IGF2BP3: variants seen among roughly 807,000 people sequenced by gnomAD.
The protein encoded by IGF2BP3 is insulin like growth factor 2 mRNA binding protein 3, also known as insulin-like growth factor 2 mRNA-binding protein 3.
In IGF2BP3, 9 loss-of-function variants were observed where a neutral mutation model predicts 73.8. The observed-to-expected ratio is 0.12, with a 90% CI of 0.07 to 0.21. The LOEUF (loss-of-function observed/expected upper bound fraction) is 0.21. IGF2BP3 is among the 10% of genes least tolerant of loss of function. IGF2BP3 has a pLI of 1.00. For missense variants in IGF2BP3, 542 were observed against 714.0 expected (o/e 0.76, Z 2.75); for synonymous variants, 258 against 256.7 (o/e 1.01, Z -0.05).
At chr7:23,320,653 A>G (rs1272986278) in intron 10 of IGF2BP3, among the ~76,000 whole-genome samples, 2 of 150,692 alleles carry the variant, frequency 1.3e-5, no homozygotes, top group African/African-American at 4.9e-5. Flanking sequence ...TTAAAAAAAA[A>G]AAAAAAAAAA....
intron 3 of IGF2BP3, among the ~76,000 whole-genome samples, chr7:23,401,251 T>C (rs570683359): frequency 2.0e-5 from 3 of 152,298 alleles, no homozygotes; most frequent in African/African-American, 7.2e-5. Flanking sequence ...CCAGCAGTAC[T>C]TGCCTTCACA....
chr7:23,463,136 C>A (rs1462250102), intron 2 of IGF2BP3, among the ~76,000 whole-genome samples: 1 of 152,208 alleles, frequency 6.6e-6, no homozygotes, highest in Non-Finnish European at 1.5e-5. Context: ...GCCTCTCCTT[C>A]CTCCCAGACC....
chr7:23,468,630 T>C (rs544048399), intron 1 of IGF2BP3, 88 bp from the exon 2 acceptor site: 2 of 1,387,178 alleles, frequency 1.4e-6, no homozygotes, highest in Admixed American at 1.7e-5. Flanking sequence ...GCGACACAAA[T>C]GGCCTCCTGA....
intron 2 of IGF2BP3, among the ~76,000 whole-genome samples, chr7:23,440,285 AAT>A (rs1176042988): frequency 5.3e-5 from 8 of 151,504 alleles, no homozygotes; most frequent in Non-Finnish European, 8.9e-5. Flanking sequence ...AAAAAAAAAA[AAT>A]TAGCTGGGCA....
chr7:23,404,892 G>A (rs1187859817), intron 3 of IGF2BP3: 1 of 152,160 alleles, frequency 6.6e-6, no homozygotes, highest in Admixed American at 6.6e-5. Flanking sequence ...CCTACCAGGA[G>A]ACCTTTGCCC....
At chr7:23,402,680 AGACT>A (rs1786705762) in intron 3 of IGF2BP3, 1 of 152,242 alleles carries the variant, frequency 6.6e-6, no homozygotes, top group Non-Finnish European at 1.5e-5. Context: ...TTTTTATAGC[AGACT>A]GACAAGAATT....
At chr7:23,352,447 C>T (rs1784989241) in intron 5 of IGF2BP3, among the ~76,000 whole-genome samples, 1 of 152,000 alleles carries the variant, frequency 6.6e-6, no homozygotes, top group Admixed American at 6.6e-5. Flanking sequence ...CACCATCATG[C>T]TTGGCTAATT....
chr7:23,381,871 C>A (rs1006281298), intron 3 of IGF2BP3, among the ~76,000 whole-genome samples: 1 of 152,070 alleles, frequency 6.6e-6, no homozygotes, highest in Non-Finnish European at 1.5e-5. Flanking sequence ...ATGCACCCGG[C>A]CTTAAAACTT....
chr7:23,402,325 T>G (rs145905735), intron 3 of IGF2BP3: 71 of 152,332 alleles, frequency 4.7e-4, no homozygotes, highest in African/African-American at 1.5e-3. Flanking sequence ...TCCGTAAGTA[T>G]ATAAAGCTAA....
At chr7:23,334,142 C>G (rs1441447836) in intron 10 of IGF2BP3, among the ~76,000 whole-genome samples, 1 of 152,188 alleles carries the variant, frequency 6.6e-6, no homozygotes, top group South Asian at 2.1e-4. Flanking sequence ...TCGAGACCAG[C>G]TGGGCTGATA....
At chr7:23,388,050 C>T (rs369040745) in intron 3 of IGF2BP3, among the ~76,000 whole-genome samples, 1 of 152,110 alleles carries the variant, frequency 6.6e-6, no homozygotes, top group South Asian at 2.1e-4. Flanking sequence ...ACGCCATTCT[C>T]CTGCCTCAGC....
chr7:23,385,670 A>C (rs1786060659), intron 3 of IGF2BP3, among the ~76,000 whole-genome samples: 1 of 152,100 alleles, frequency 6.6e-6, no homozygotes, highest in Non-Finnish European at 1.5e-5. Flanking sequence ...ACTTAAATCG[A>C]CTAACTGCAA....
At chr7:23,322,404 A>G (rs1464022529) in intron 10 of IGF2BP3, among the ~76,000 whole-genome samples, 1 of 152,222 alleles carries the variant, frequency 6.6e-6, no homozygotes, top group African/African-American at 2.4e-5. Flanking sequence ...AAAGCCTCCA[A>G]GAAATATGGG....
intron 9 of IGF2BP3, among the ~76,000 whole-genome samples, chr7:23,342,807 A>G (rs1784744741): frequency 6.6e-6 from 1 of 152,202 alleles, no homozygotes; most frequent in South Asian, 2.1e-4. Flanking sequence ...AGTGTACTTG[A>G]AAATCTTTTT....
Position 23,391,052 on chromosome 7 carries a change from GCCT to G in IGF2BP3, c.285+27721_285+27723del, listed in dbSNP as rs558754776. 2.8e-3 allele frequency among the ~76,000 whole-genome samples: 429 copies of G among 150,624 alleles called. 1 individual carries two copies. The highest frequency in any genetic ancestry group is 4.4e-3 in the Non-Finnish European group (301 of 67,812). On this transcript the variant is annotated intron_variant, in intron 3 of 14. Transcript: ENST00000258729. ...GGCCTCAAGTGATCTGCCCGTCTCGGCCTCCCAAAGTGCTGGGATTACAGGCGT... is the reference window on the plus strand; with the variant it reads ...GGCCTCAAGTGATCTGCCCGTCTCGGCCCAAAGTGCTGGGATTACAGGCGT...
intron 3 of IGF2BP3, among the ~76,000 whole-genome samples, chr7:23,384,828 T>C (rs111435868): frequency 2.6e-5 from 4 of 152,044 alleles, no homozygotes; most frequent in African/African-American, 9.7e-5. Context: ...GAGGCAAAGG[T>C]TGTAGTGAGC....
intron 2 of IGF2BP3, among the ~76,000 whole-genome samples, chr7:23,420,804 G>C (rs1488267002): frequency 6.6e-6 from 1 of 152,132 alleles, no homozygotes; most frequent in African/African-American, 2.4e-5. Flanking sequence ...TCATGACAAA[G>C]TAAAAGCACA....
chr7:23,397,529 T>C (rs140974671), intron 3 of IGF2BP3, among the ~76,000 whole-genome samples: 138 of 152,188 alleles, frequency 9.1e-4, no homozygotes, highest in African/African-American at 3.0e-3. Flanking sequence ...TAACTAGCCA[T>C]ACGCCATGCC....
At chr7:23,320,323 C>T (rs955456635) in intron 10 of IGF2BP3, among the ~76,000 whole-genome samples, 1 of 152,180 alleles carries the variant, frequency 6.6e-6, no homozygotes, top group Non-Finnish European at 1.5e-5. Flanking sequence ...CTACTTCCCA[C>T]TTCAAGCCAG....
Sources: allele counts gnomAD v4.1 joint callset (sites outside exome capture counted in the v4.1 genomes callset), GRCh38; gene constraint gnomAD v4.1.1; transcripts MANE v1.5; gene names NCBI Gene and HGNC (gene_info 2026-07-23, HGNC 2026-07-21).